Variants in CEPT1 observed in about 807,000 individuals in gnomAD.
CEPT1 encodes choline/ethanolaminephosphotransferase 1.
In CEPT1, 7 loss-of-function variants were observed where a neutral mutation model predicts 42.6. The ratio of observed to expected loss-of-function variants is 0.16; its 90% confidence interval spans 0.09 to 0.31. The LOEUF (loss-of-function observed/expected upper bound fraction) is 0.31. Among genes scored for constraint, CEPT1 ranks in the 10% least tolerant of loss-of-function variants. The pLI is 1.00. For missense variants in CEPT1, 306 were observed against 502.1 expected (o/e 0.61, Z 3.73); for synonymous variants, 171 against 171.9 (o/e 0.99, Z 0.04).
At chr1:111,164,723 A>C (rs931338276) in intron 4 of CEPT1, among the ~76,000 whole-genome samples, 4 of 152,014 alleles carry the variant, frequency 2.6e-5, no homozygotes, top group African/African-American at 2.4e-5. Context: ...TCCCGGGTTC[A>C]AGCAATTCTG....
intron 1 of CEPT1, among the ~76,000 whole-genome samples, chr1:111,146,733 C>T (rs913187314): frequency 6.6e-6 from 1 of 151,988 alleles, no homozygotes; most frequent in Non-Finnish European, 1.5e-5. Flanking sequence ...AAATGAAATA[C>T]AAATACTTCA....
At position 111,161,254 on chromosome 1, in the gene CEPT1, C is replaced by T. The variant is rs1447517148; in HGVS notation, c.587C>T (p.Ala196Val). Residue 196 changes from alanine to valine, a missense_variant, in exon 4 of 9, where the codon GCG becomes GTG. This residue lies in a region of CEPT1 where 253 missense variants were observed against 447.3 expected (regional missense o/e 0.57). Coordinates refer to ENST00000357172, the MANE Select transcript of CEPT1 (RefSeq NM_006090.5). Reference protein sequence around the residue: ...CFAGTFMFYCAHWQTYVSGTL... With the variant: ...CFAGTFMFYCVHWQTYVSGTL... The stretch of plus-strand genomic sequence containing the variant: ...GCGGGGACATTTATGTTCTATTGTG[C>T]GCACTGGCAAACGTATGTTTCTGGA... 6 of 1,613,294 alleles carry T rather than the reference C, an allele frequency of 3.7e-6. No homozygotes were observed. The highest frequency in any genetic ancestry group is 2.2e-5 in the East Asian group (1 of 44,840).
rs11323094 is a variant in CEPT1, at chr1:111,165,044, C to CTTT, written c.629+3769_629+3771dup. Among the ~76,000 whole-genome samples, 539 of 83,992 alleles carry CTTT rather than the reference C, an allele frequency of 6.4e-3. 4 individuals carry two copies. The highest frequency in any genetic ancestry group is 0.011 in the Middle Eastern group (1 of 88). 55.1% of individuals were successfully genotyped at this position (83,992 alleles called of 152,430 possible). On this transcript the variant is annotated intron_variant, in intron 4 of 8. Coordinates refer to ENST00000357172, the MANE Select transcript of CEPT1 (RefSeq NM_006090.5). Reference sequence around the variant, plus strand: ...AACTATACTTACATAAAACATCGGTCTTTTTTTTTTTTTTTTTTTTTTTGA... The same window carrying CTTT: ...AACTATACTTACATAAAACATCGGTCTTTTTTTTTTTTTTTTTTTTTTTTTTGA...
intron 2 of CEPT1, among the ~76,000 whole-genome samples, chr1:111,156,884 T>C (rs1436248940): frequency 6.6e-6 from 1 of 152,244 alleles, no homozygotes; most frequent in Non-Finnish European, 1.5e-5. Context: ...TTGACTCATA[T>C]AACATCTCTG....
intron 2 of CEPT1, among the ~76,000 whole-genome samples, chr1:111,158,173 C>T (rs565892819): frequency 1.5e-4 from 23 of 151,944 alleles, no homozygotes; most frequent in Non-Finnish European, 3.2e-4. Context: ...AAAACCTTGT[C>T]TCTACTAAAA....
intron 3 of CEPT1, 164 bp from the exon 4 acceptor site, chr1:111,160,991 T>A (rs1571134330): frequency 4.5e-6 from 3 of 671,698 alleles, no homozygotes; most frequent in African/African-American, 1.9e-5. Context: ...AATTATGGGG[T>A]AAGAGATTAT....
intron 4 of CEPT1, among the ~76,000 whole-genome samples, chr1:111,162,060 T>G (rs2101318518): frequency 6.6e-6 from 1 of 152,330 alleles, no homozygotes; most frequent in African/African-American, 2.4e-5. Flanking sequence ...ATAAGATGCC[T>G]GCCTGTAGGG....
chr1:111,165,251 TGTTAG>T, intron 4 of CEPT1, among the ~76,000 whole-genome samples: 1 of 151,628 alleles, frequency 6.6e-6, no homozygotes. Context: ...GGTTTCACCG[TGTTAG>T]CCAGGATGGT....
chr1:111,182,174 C>T lies in CEPT1; in HGVS notation c.715-13C>T, dbSNP rs781027575. ...TATATGTTTTAATTGTTTTCTCTCT[C>T]TACCCATTAAAGATTCCAGTGCTGA... On this transcript the variant is annotated splice_polypyrimidine_tract_variant and intron_variant, in intron 5 of 8. Transcript: ENST00000357172. 3.2e-6 allele frequency: 5 copies of T among 1,577,086 alleles called. No individual in the cohort carries two copies. In the South Asian group the frequency reaches 4.6e-5, roughly 15 times the overall value.
chr1:111,142,336 A>G (rs1170817231), intron 1 of CEPT1, among the ~76,000 whole-genome samples: 2 of 152,182 alleles, frequency 1.3e-5, no homozygotes, highest in African/African-American at 4.8e-5. Context: ...TGTTGATAGC[A>G]TTCATAACTT....
intron 5 of CEPT1, chr1:111,179,168 A>G (rs1045343498): frequency 1.3e-5 from 2 of 152,236 alleles, no homozygotes; most frequent in African/African-American, 4.8e-5. Context: ...ATTGAACCAA[A>G]AAACATGACC....
intron 5 of CEPT1, 148 bp downstream of exon 5, chr1:111,175,111 G>A (rs1343272522): frequency 1.1e-5 from 7 of 620,134 alleles, no homozygotes; most frequent in Non-Finnish European, 2.9e-6. Flanking sequence ...TTAGAGGATG[G>A]TGAATTTTAC....
At chr1:111,162,104 A>C (rs1000378365) in intron 4 of CEPT1, among the ~76,000 whole-genome samples, 46 of 152,212 alleles carry the variant, frequency 3.0e-4, no homozygotes, top group Admixed American at 1.5e-3. Flanking sequence ...AAGATCCAGA[A>C]AATCAAGGTC....
chr1:111,182,387 T>C lies in CEPT1; in HGVS notation c.846+69T>C, dbSNP rs879479962. On this transcript the variant is annotated intron_variant, in intron 6 of 8. Coordinates refer to ENST00000357172, the MANE Select transcript of CEPT1 (RefSeq NM_006090.5). ...TTGGTTTTGTTGTCATTTTGTTTTT[T>C]ATTTCAAATGTATAAAATCATTTGT... The C allele has an allele frequency of 7.4e-5, 107 of 1,453,880 alleles. 1 individual carries two copies. Among genetic ancestry groups the C allele is most frequent in the Non-Finnish European group, 9.8e-5 (104 of 1,055,964 alleles). 90.1% of individuals were successfully genotyped at this position (1,453,880 alleles called of 1,614,324 possible). A position where few individuals can be genotyped will look rare whatever the true frequency, so the allele number is the denominator to read the frequency against.
Position 111,147,714 on chromosome 1 carries a change from C to A in CEPT1, c.-1C>A. The A allele has an allele frequency of 6.3e-7, 1 of 1,596,184 alleles. No individual in the cohort carries two copies. Among genetic ancestry groups the A allele is most frequent in the Non-Finnish European group, 8.6e-7 (1 of 1,169,482 alleles). ...TTAAATATTAAAAAAAAACAAGATCCATGAGTGGGCATCGATCAACAAGGA... is the reference window on the plus strand; with the variant it reads ...TTAAATATTAAAAAAAAACAAGATCAATGAGTGGGCATCGATCAACAAGGA... On this transcript the variant is annotated 5_prime_UTR_variant, in exon 2 of 9. Coordinates refer to ENST00000357172, the MANE Select transcript of CEPT1 (RefSeq NM_006090.5).
chr1:111,142,413 C>A (rs903201995), intron 1 of CEPT1, among the ~76,000 whole-genome samples: 1 of 152,140 alleles, frequency 6.6e-6, no homozygotes, highest in African/African-American at 2.4e-5. Context: ...TATATTTCAG[C>A]CTTTCTGTTT....
At chr1:111,174,816 C>G in intron 4 of CEPT1, 63 bp from the exon 5 acceptor site, 1 of 987,544 alleles carries the variant, frequency 1.0e-6, no homozygotes, top group East Asian at 2.4e-5. Flanking sequence ...GCTAAGCTTG[C>G]AAGTAATTAA....
In CEPT1 at chr1:111,174,909, A is replaced by C; in HGVS notation, c.660A>C (p.Ile220=). The change falls in exon 5 of 9, where the codon ATA becomes ATC. Residue 220 remains isoleucine, a synonymous_variant. Transcript: ENST00000357172. ...IIDVTEVQIF[I]IIMHLLAVIG... ...ATGTGACTGAAGTGCAAATCTTCAT[A>C]ATAATCATGCATTTGCTGGCAGTGA... 1 of 1,612,952 alleles carries C rather than the reference A, an allele frequency of 6.2e-7. No individual in the cohort carries two copies. Among genetic ancestry groups the C allele is most frequent in the Non-Finnish European group, 8.5e-7 (1 of 1,179,088 alleles).
At chr1:111,145,016 T>C (rs1402834245) in intron 1 of CEPT1, among the ~76,000 whole-genome samples, 1 of 152,012 alleles carries the variant, frequency 6.6e-6, no homozygotes, top group East Asian at 1.9e-4. Context: ...ATTTGAAATA[T>C]TAATTTTTTT....
Sources: allele counts gnomAD v4.1 joint callset (sites outside exome capture counted in the v4.1 genomes callset), GRCh38; gene constraint gnomAD v4.1.1; regional missense constraint gnomAD v4.1.1; transcripts MANE v1.5; gene names NCBI Gene and HGNC (gene_info 2026-07-23, HGNC 2026-07-21).